Variants in MYO3B observed in about 807,000 individuals in gnomAD.
MYO3B encodes myosin-IIIb.
In MYO3B, 156 loss-of-function variants were observed where a neutral mutation model predicts 174.6. That is an observed-to-expected ratio of 0.89 (90% confidence interval 0.78 to 1.02). MYO3B has a LOEUF of 1.02. Ranked by LOEUF, MYO3B falls within the 50% of genes least tolerant of loss-of-function variation. MYO3B has a pLI of 0.00. For missense variants in MYO3B, 1,632 were observed against 1,639.4 expected (o/e 1.00, Z 0.08); for synonymous variants, 563 against 569.1 (o/e 0.99, Z 0.15).
chr2:170,413,149 C>T (rs1417623926), intron 22 of MYO3B, among the ~76,000 whole-genome samples: 1 of 152,042 alleles, frequency 6.6e-6, no homozygotes, highest in Non-Finnish European at 1.5e-5. Flanking sequence ...TATATCCATA[C>T]AAATAAAAAT....
chr2:170,410,239 T>G (rs1339233959), intron 22 of MYO3B, among the ~76,000 whole-genome samples: 1 of 152,108 alleles, frequency 6.6e-6, no homozygotes. Flanking sequence ...ACAAACCTCT[T>G]TTGAGGAATG....
intron 32 of MYO3B, among the ~76,000 whole-genome samples, chr2:170,608,681 G>GAGACAGACAGAC (rs555173210): frequency 1.3e-5 from 2 of 151,926 alleles, no homozygotes; most frequent in Non-Finnish European, 2.9e-5. Flanking sequence ...GAGAGAGAGA[G>GAGACAGACAGAC]AGACAGACAG....
chr2:170,214,720 G>A lies in MYO3B; in HGVS notation c.427-9G>A. 1 of 1,611,238 alleles carries A rather than the reference G, an allele frequency of 6.2e-7. No homozygotes were observed. Among genetic ancestry groups the A allele is most frequent in the Non-Finnish European group, 8.5e-7 (1 of 1,177,366 alleles). ...TCCTGTTGTTTGGTGGTGGTGGGAT[G>A]CCATGCAGGGCCTTCAGCATTTGCA... On this transcript the variant is annotated splice_polypyrimidine_tract_variant and intron_variant, in intron 4 of 34. Transcript: ENST00000408978.
chr2:170,221,838 A>AC (rs1410587851), intron 6 of MYO3B, among the ~76,000 whole-genome samples: 1 of 152,186 alleles, frequency 6.6e-6, no homozygotes, highest in Non-Finnish European at 1.5e-5. Context: ...AGTAGCTGGG[A>AC]CTACAGGGCA....
chr2:170,340,847 C>T (rs2093972840), intron 8 of MYO3B: 1 of 152,068 alleles, frequency 6.6e-6, no homozygotes, highest in Non-Finnish European at 1.5e-5. Flanking sequence ...TTGCCTTCTG[C>T]TTAAAATACT....
In MYO3B at chr2:170,387,242, G is replaced by C; in HGVS notation, c.1511G>C (p.Gly504Ala). The change falls in exon 14 of 35, where the codon GGA (glycine) becomes GCA (alanine). Residue 504 changes from glycine (G) to alanine (A), a missense_variant. Transcript: ENST00000408978. ...CTGGAAATGATGTTTACACCAACTG[G>C]AGTTGTGATGGGGGCAAGAATCTCT... is the stretch of plus-strand genomic sequence containing the variant. ...KYLEMMFTPT[G>A]VVMGARISEY... 1 of 1,614,172 alleles carries C rather than the reference G, an allele frequency of 6.2e-7. No homozygotes were observed. The highest frequency in any genetic ancestry group is 8.5e-7 in the Non-Finnish European group (1 of 1,180,000).
chr2:170,391,070 A>C (rs1483985028), intron 14 of MYO3B, among the ~76,000 whole-genome samples: 1 of 152,148 alleles, frequency 6.6e-6, no homozygotes, highest in African/African-American at 2.4e-5. Flanking sequence ...TGGGAGAGTG[A>C]AAAACCTCAG....
chr2:170,650,389 A>T (rs1182155993), intron 32 of MYO3B, among the ~76,000 whole-genome samples: 1 of 152,092 alleles, frequency 6.6e-6, no homozygotes, highest in African/African-American at 2.4e-5. Context: ...ATTCCCCCAG[A>T]ATTTTTTTAA....
chr2:170,642,501 T>C (rs917316969), intron 32 of MYO3B, among the ~76,000 whole-genome samples: 11 of 152,180 alleles, frequency 7.2e-5, no homozygotes, highest in African/African-American at 2.7e-4. Flanking sequence ...AGAAAATCTC[T>C]CTTTCTGGTT....
At chr2:170,292,180 T>A (rs1049643029) in intron 7 of MYO3B, among the ~76,000 whole-genome samples, 18 of 152,334 alleles carry the variant, frequency 1.2e-4, no homozygotes, top group Middle Eastern at 3.4e-3. Context: ...ACTGATTTTT[T>A]TTCTCTGTTT....
chr2:170,454,814 C>G (rs1167163694), intron 23 of MYO3B, among the ~76,000 whole-genome samples: 2 of 151,328 alleles, frequency 1.3e-5, no homozygotes, highest in Non-Finnish European at 2.9e-5. Flanking sequence ...TTTTTTATTA[C>G]TAAAATCAGA....
At position 170,389,429 on chromosome 2, in the gene MYO3B, A is replaced by G. The variant is rs73018927; in HGVS notation, c.1578-2091A>G. ...AGCACAGCCCCACCGCTGACCTGCCATGGACATGTACTCTGAGCAAGAACT... is the reference window on the plus strand; with the variant it reads ...AGCACAGCCCCACCGCTGACCTGCCGTGGACATGTACTCTGAGCAAGAACT... On this transcript the variant is annotated intron_variant, in intron 14 of 34. Transcript: ENST00000408978. Among the ~76,000 whole-genome samples, 1,111 of 152,338 alleles carry G rather than the reference A, an allele frequency of 7.3e-3. 16 individuals are homozygous for G. The highest frequency in any genetic ancestry group is 0.026 in the African/African-American group (1,068 of 41,574).
intron 23 of MYO3B, among the ~76,000 whole-genome samples, chr2:170,446,656 C>T (rs1462765303): frequency 6.6e-6 from 1 of 152,184 alleles, no homozygotes; most frequent in Non-Finnish European, 1.5e-5. Flanking sequence ...TACTATCTGA[C>T]TTATCCAAGG....
intron 18 of MYO3B, among the ~76,000 whole-genome samples, chr2:170,402,634 A>G (rs935657579): frequency 3.3e-5 from 5 of 149,676 alleles, no homozygotes; most frequent in Non-Finnish European, 7.4e-5. Flanking sequence ...CTACTGCTTG[A>G]AAAAAAAAAG....
intron 7 of MYO3B, among the ~76,000 whole-genome samples, chr2:170,279,055 G>A (rs1355789309): frequency 1.3e-5 from 2 of 151,946 alleles, no homozygotes; most frequent in African/African-American, 4.8e-5. Flanking sequence ...AGACATTGAG[G>A]TTGATTTTTT....
chr2:170,344,356 C>T (rs1189628536), intron 8 of MYO3B: 1 of 151,834 alleles, frequency 6.6e-6, no homozygotes. Flanking sequence ...ATCCCAGCTA[C>T]TTGGGAGGGT....
At chr2:170,242,514 G>A (rs1232385973) in intron 7 of MYO3B, among the ~76,000 whole-genome samples, 1 of 152,184 alleles carries the variant, frequency 6.6e-6, no homozygotes, top group Non-Finnish European at 1.5e-5. Flanking sequence ...TTAAATTCGA[G>A]TTGAGCAGCT....
chr2:170,393,542 A>G (rs1273193852), intron 16 of MYO3B, among the ~76,000 whole-genome samples: 1 of 152,148 alleles, frequency 6.6e-6, no homozygotes, highest in African/African-American at 2.4e-5. Flanking sequence ...CAAAATATAT[A>G]GATTCTTTTG....
At chr2:170,466,386 G>A (rs1684631325) in intron 24 of MYO3B, 120 bp from the exon 25 acceptor site, 3 of 844,834 alleles carry the variant, frequency 3.6e-6, no homozygotes, top group South Asian at 1.6e-5. Flanking sequence ...CTGATTTCAT[G>A]TTCTTCCTCA....
Sources: gnomAD v4.1 joint callset for allele counts (sites outside exome capture counted in the v4.1 genomes callset) on GRCh38, gnomAD v4.1.1 for gene constraint, MANE v1.5 for transcripts, NCBI Gene and HGNC (gene_info 2026-07-23, HGNC 2026-07-21) for gene names.